DEPDC7: variants seen among roughly 807,000 people sequenced by gnomAD.
DEPDC7 encodes the protein DEP domain-containing protein 7.
In DEPDC7, 41 loss-of-function variants were observed where a neutral mutation model predicts 56.6. That is an observed-to-expected ratio of 0.72 (90% CI 0.56 to 0.94). The LOEUF is 0.94. Ranked by LOEUF, DEPDC7 falls within the 40% of genes least tolerant of loss-of-function variation. The pLI, the probability that DEPDC7 is intolerant of heterozygous loss-of-function variation, is 0.00. For missense variants in DEPDC7, 522 were observed against 596.3 expected (o/e 0.88, Z 1.30); for synonymous variants, 185 against 208.8 (o/e 0.89, Z 0.98).
At chr11:33,027,966 A>G (rs1384553648) in intron 3 of DEPDC7, 153 bp downstream of exon 3, 1 of 698,670 alleles carries the variant, frequency 1.4e-6, no homozygotes, top group Non-Finnish European at 2.1e-6. Context: ...ATTTTAACAG[A>G]AGTCTATTAT....
At chr11:33,017,800 G>A (rs1853479799) in intron 1 of DEPDC7, among the ~76,000 whole-genome samples, 1 of 152,172 alleles carries the variant, frequency 6.6e-6, no homozygotes, top group Non-Finnish European at 1.5e-5. Flanking sequence ...CCAGGGACCT[G>A]ATTTATGTAC....
In DEPDC7 at chr11:33,033,532, C is replaced by T. The variant is rs1059432; in HGVS notation, c.*77C>T. The T allele has an allele frequency of 0.4, 438,416 of 1,099,830 alleles. 88,166 individuals are homozygous for T. Among genetic ancestry groups the T allele is most frequent in the African/African-American group, 0.44 (27,333 of 61,804 alleles). 68.1% of individuals were successfully genotyped at this position (1,099,830 alleles called of 1,614,324 possible). ...CTAAATATCCAATCACATTTGTAAG[C>T]GTGGAAGCTCTAAATTTGAAACTGT... On this transcript the variant is annotated 3_prime_UTR_variant, in exon 9 of 9. Transcript: ENST00000241051.
At chr11:33,033,235 C>G (rs1853652388) in intron 8 of DEPDC7, 27 bp from the exon 9 acceptor site, 1 of 1,495,650 alleles carries the variant, frequency 6.7e-7, no homozygotes, top group Non-Finnish European at 9.1e-7. Context: ...GAGTCATTAA[C>G]TGAACTTTTT....
In DEPDC7 at chr11:33,025,847, G is replaced by C. The variant is rs768733647; in HGVS notation, c.262G>C (p.Val88Leu). 1 of 1,614,178 alleles carries C rather than the reference G, an allele frequency of 6.2e-7. No individual in the cohort carries two copies. Among genetic ancestry groups the C allele is most frequent in the Admixed American group, 1.7e-5 (1 of 60,014 alleles). ...HLIQNKYFGDVDIPRAKVVRV... is the reference protein window; with the variant it reads ...HLIQNKYFGDLDIPRAKVVRV... ...AATTCAGAATAAGTATTTTGGTGATGTAGATATTCCTCGAGCCAAAGTGGT... is the reference window on the plus strand; with the variant it reads ...AATTCAGAATAAGTATTTTGGTGATCTAGATATTCCTCGAGCCAAAGTGGT... The change falls in exon 2 of 9, where the codon GTA becomes CTA. Residue 88 changes from valine (V) to leucine (L), a missense_variant. Val to Leu is a conservative substitution (Grantham distance 32). Transcript: ENST00000241051.
At chr11:33,020,036 G>T (rs1005815011) in intron 1 of DEPDC7, among the ~76,000 whole-genome samples, 1 of 152,030 alleles carries the variant, frequency 6.6e-6, no homozygotes, top group African/African-American at 2.4e-5. Flanking sequence ...TACTTCTAAA[G>T]ATTTAATATA....
Position 33,033,496 on chromosome 11 carries a change from A to T in DEPDC7, c.*41A>T. ...ATATAAGTTGTGTATTTTAAGAATAAATTATGTATCCTAAATATCCAATCA... is the reference window on the plus strand; with the variant it reads ...ATATAAGTTGTGTATTTTAAGAATATATTATGTATCCTAAATATCCAATCA... On this transcript the variant is annotated 3_prime_UTR_variant, in exon 9 of 9. Transcript: ENST00000241051. The T allele has an allele frequency of 7.7e-7, 1 of 1,290,676 alleles. No individual in the cohort carries two copies. The highest frequency in any genetic ancestry group is 1.1e-6 in the Non-Finnish European group (1 of 947,376). The allele number at this position is 1,290,676 out of a possible 1,614,324, so 80.0% of individuals were successfully genotyped here. A position where few individuals can be genotyped will look rare whatever the true frequency, so the allele number is the denominator to read the frequency against.
intron 3 of DEPDC7, 44 bp downstream of exon 3, chr11:33,027,857 C>G: frequency 6.8e-7 from 1 of 1,471,946 alleles, no homozygotes; most frequent in Non-Finnish European, 8.9e-7. Flanking sequence ...AGACAAACTT[C>G]AAAGTTATTT....
intron 1 of DEPDC7, among the ~76,000 whole-genome samples, chr11:33,019,878 CTTTT>C (rs77915754): frequency 7.8e-6 from 1 of 128,766 alleles, no homozygotes; most frequent in Non-Finnish European, 1.7e-5. Flanking sequence ...GATTCAGTTC[CTTTT>C]TTTTTTTTTT....
intron 1 of DEPDC7, among the ~76,000 whole-genome samples, chr11:33,016,769 G>C (rs1853467570): frequency 6.6e-6 from 1 of 152,198 alleles, no homozygotes; most frequent in Non-Finnish European, 1.5e-5. Flanking sequence ...AAGAGAATCG[G>C]ATATCACTTC....
At chr11:33,017,075 A>G (rs774344246) in intron 1 of DEPDC7, among the ~76,000 whole-genome samples, 1 of 152,102 alleles carries the variant, frequency 6.6e-6, no homozygotes, top group African/African-American at 2.4e-5. Flanking sequence ...TAATCTTCAA[A>G]ATGCTAACGA....
chr11:33,032,303 C>T, intron 5 of DEPDC7, 33 bp from the exon 6 acceptor site: 1 of 1,540,874 alleles, frequency 6.5e-7, no homozygotes, highest in Non-Finnish European at 8.7e-7. Flanking sequence ...CATATTTGGT[C>T]AATTAAAAGC....
At chr11:33,017,038 G>A (rs554139031) in intron 1 of DEPDC7, among the ~76,000 whole-genome samples, 182 of 152,294 alleles carry the variant, frequency 1.2e-3, no homozygotes, top group Non-Finnish European at 1.9e-3. Context: ...CCACTCTTGT[G>A]TTTGACTTAC....
chr11:33,027,956 A>G (rs1853595423), intron 3 of DEPDC7, 143 bp downstream of exon 3: 3 of 761,686 alleles, frequency 3.9e-6, no homozygotes, highest in Non-Finnish European at 5.7e-6. Context: ...TTTATGTTCA[A>G]TTTTAACAGA....
chr11:33,024,418 GTGTGTATCAA>G (rs924955293), intron 1 of DEPDC7, among the ~76,000 whole-genome samples: 6 of 152,296 alleles, frequency 3.9e-5, no homozygotes, highest in African/African-American at 1.4e-4. Flanking sequence ...TGCAATGATT[GTGTGTATCAA>G]TGTGTATGTG....
At chr11:33,020,535 T>A (rs1853513496) in intron 1 of DEPDC7, among the ~76,000 whole-genome samples, 1 of 152,184 alleles carries the variant, frequency 6.6e-6, no homozygotes, top group South Asian at 2.1e-4. Flanking sequence ...TCTGGTAGGG[T>A]CAAATTTGTC....
At chr11:33,019,862 T>A (rs1054725113) in intron 1 of DEPDC7, among the ~76,000 whole-genome samples, 2 of 151,064 alleles carry the variant, frequency 1.3e-5, no homozygotes, top group African/African-American at 4.9e-5. Context: ...AAACATCAAC[T>A]GTCTGGATTC....
chr11:33,015,912 G>C lies in DEPDC7; in HGVS notation c.-44G>C. On this transcript the variant is annotated 5_prime_UTR_variant, in exon 1 of 9. Coordinates refer to ENST00000241051, the MANE Select transcript of DEPDC7 (RefSeq NM_001077242.2). ...AGACGGGCGCTCAGGGAGCTAGGGA[G>C]CTGTGAAGCTGCTGGAGGAGTTGGC... The C allele has an allele frequency of 3.9e-6, 6 of 1,535,608 alleles. No homozygotes were observed. Among genetic ancestry groups the C allele is most frequent in the Non-Finnish European group, 4.4e-6 (5 of 1,137,584 alleles).
In DEPDC7 at chr11:33,020,944, T is replaced by G. The variant is rs552914848; in HGVS notation, c.74-4715T>G. Among the ~76,000 whole-genome samples the G allele has an allele frequency of 9.2e-5, 14 of 152,380 alleles. No individual in the cohort carries two copies. The South Asian group carries it at 2.9e-3, about 32-fold the overall frequency. ...AACTCTTTGATTCCATTTGTTATGA[T>G]GCTTTTAGAAAATGCTTGACCAGGC... On this transcript the variant is annotated intron_variant, in intron 1 of 8. Transcript: ENST00000241051.
At chr11:33,027,465 T>C (rs1853590679) in intron 2 of DEPDC7, among the ~76,000 whole-genome samples, 1 of 152,212 alleles carries the variant, frequency 6.6e-6, no homozygotes, top group African/African-American at 2.4e-5. Flanking sequence ...ATTTTAGTCA[T>C]TGAATTAGTT....
Sources: gnomAD v4.1 joint callset for allele counts (sites outside exome capture counted in the v4.1 genomes callset) on GRCh38, gnomAD v4.1.1 for gene constraint, MANE v1.5 for transcripts, NCBI Gene and HGNC (gene_info 2026-07-23, HGNC 2026-07-21) for gene names.